The following NME6 variants were observed in gnomAD, a reference collection of about 807,000 sequenced individuals.
NME6 encodes NME/NM23 nucleoside diphosphate kinase 6.
In NME6, 16 loss-of-function variants were observed where a neutral mutation model predicts 22.2. The observed-to-expected ratio is 0.72, with a 90% confidence interval of 0.49 to 1.09. The LOEUF (loss-of-function observed/expected upper bound fraction) is 1.09. NME6 is among the 50% of genes least tolerant of loss of function. NME6 has a pLI of 0.00. For synonymous variants in NME6, 58 were observed against 85.2 expected, an observed-to-expected ratio of 0.68 and a Z score of 1.76; for missense variants, 229 against 239.0, an observed-to-expected ratio of 0.96 and a Z score of 0.28.
Position 48,301,210 on chromosome 3 carries a change from C to G in NME6, c.-8+143G>C, listed in dbSNP as rs184446646. 7.5e-3 allele frequency: 11,062 copies of G among 1,472,146 alleles called. 59 individuals are homozygous for G. The highest frequency in any genetic ancestry group is 9.2e-3 in the Non-Finnish European group (10,050 of 1,092,506). The allele number at this position is 1,472,146 out of a possible 1,614,324, so 91.2% of individuals were successfully genotyped here. A position where few individuals can be genotyped will look rare whatever the true frequency, so the allele number is the denominator to read the frequency against. ...CACGCCCTCCAGCCCCCCGGGCTCA[C>G]GGCCTCAACTCTCGACCCAGCCCCC... On this transcript the variant is annotated intron_variant, in intron 1 of 5. Coordinates refer to ENST00000442597, the MANE Select transcript of NME6 (RefSeq NM_001308426.2).
downstream of NME6, among the ~76,000 whole-genome samples, chr3:48,289,290 C>G (rs929034947): frequency 6.6e-6 from 1 of 152,060 alleles, no homozygotes; most frequent in African/African-American, 2.4e-5. Context: ...TCTCGAACTC[C>G]CGACCTCAGG....
intron 4 of NME6, chr3:48,295,503 T>C: frequency 2.3e-6 from 1 of 433,990 alleles, no homozygotes; most frequent in Non-Finnish European, 4.1e-6. Context: ...ATCGGCTCAG[T>C]GACAGCCCCA....
intron 3 of NME6, 29 bp from the exon 4 acceptor site, chr3:48,296,187 T>C (rs1211633708): frequency 1.9e-6 from 3 of 1,614,140 alleles, no homozygotes; most frequent in Non-Finnish European, 2.5e-6. Context: ...TTCATCAAGA[T>C]ACCTTCATCC....
In NME6 at chr3:48,292,411, CTG is replaced by C. The variant is rs1038769926; in HGVS notation, c.*2224_*2225del. On this transcript the variant is annotated 3_prime_UTR_variant, in exon 6 of 6. Transcript: ENST00000442597. ...GAGACAATTTTATTGGGAGATAATT[CTG>C]TGTCTCTTGTGGGTGTCTTAATTGT... is the stretch of plus-strand genomic sequence containing the variant. The C allele has an allele frequency of 2.0e-5, 3 of 152,146 alleles. No homozygotes were observed. The highest frequency in any genetic ancestry group is 4.4e-5 in the Non-Finnish European group (3 of 68,034). 9.4% of individuals were successfully genotyped at this position (152,146 alleles called of 1,614,324 possible).
In NME6 at chr3:48,294,722, G is replaced by A. The variant is rs1349537643; in HGVS notation, c.476C>T (p.Pro159Leu). Residue 159 changes from proline (P) to leucine (L), a missense_variant, in exon 6 of 6, where the codon CCC becomes CTC. Pro to Leu is a moderately conservative substitution (Grantham distance 98, BLOSUM62 -3). Coordinates refer to ENST00000442597, the MANE Select transcript of NME6 (RefSeq NM_001308426.2). ...SEQRWYEEEE[P>L]QLRCGPVCYS... ...GCACACAGGGCCACAGCGCAACTGG[G>A]GCTCTTCCTCCTCATACCAGCGCTG... 6.2e-7 allele frequency: 1 copy of A among 1,614,008 alleles called. No individual in the cohort carries two copies. The highest frequency in any genetic ancestry group is 2.2e-5 in the East Asian group (1 of 44,886).
chr3:48,289,430 A>G (rs1184757820), downstream of NME6, among the ~76,000 whole-genome samples: 1 of 152,108 alleles, frequency 6.6e-6, no homozygotes, highest in Admixed American at 6.5e-5. Flanking sequence ...GTGGATGGTG[A>G]GAGTGGAAGA....
rs570046567 is a variant in NME6, at chr3:48,298,262, T to A, written c.90+165A>T. On this transcript the variant is annotated intron_variant, in intron 2 of 5. Transcript: ENST00000442597. ...TTACATTTTAGGTCTGCCTCAAGTC[T>A]CCAATGGATTCTTAGTCTCCTTAGG... 374 of 665,592 alleles carry A rather than the reference T, an allele frequency of 5.6e-4. 4 individuals carry two copies. In the South Asian group the frequency reaches 6.1e-3, roughly 11 times the overall value. 41.2% of individuals were successfully genotyped at this position (665,592 alleles called of 1,614,324 possible).
chr3:48,299,192 T>C (rs1466954338), intron 1 of NME6: 1 of 500,916 alleles, frequency 2.0e-6, no homozygotes. Flanking sequence ...TCTGAAACAG[T>C]GCCTGACACA....
chr3:48,294,979 G>A, intron 5 of NME6, 96 bp downstream of exon 5: 1 of 1,481,962 alleles, frequency 6.7e-7, no homozygotes, highest in Non-Finnish European at 9.2e-7. Flanking sequence ...AAACACAAAT[G>A]GAAGAAAGCT....
chr3:48,296,860 C>A, intron 2 of NME6, 31 bp from the exon 3 acceptor site: 2 of 1,540,196 alleles, frequency 1.3e-6, no homozygotes, highest in African/African-American at 1.4e-5. Flanking sequence ...AAATAAAAAT[C>A]AATCAGGAGA....
Position 48,299,039 on chromosome 3 carries a change from C to T in NME6, c.-7-516G>A, listed in dbSNP as rs2035429161. The T allele has an allele frequency of 7.1e-6, 5 of 701,792 alleles. No individual in the cohort carries two copies. In the Admixed American group the frequency reaches 1.0e-4, roughly 14 times the overall value. The allele number at this position is 701,792 out of a possible 1,614,324, so 43.5% of individuals were successfully genotyped here. On this transcript the variant is annotated intron_variant, in intron 1 of 5. Coordinates refer to ENST00000442597, the MANE Select transcript of NME6 (RefSeq NM_001308426.2). ...GATACCAAAAAGTCTGCTGGATAAA[C>T]ACCATCTCTATTCTAATATTATGGA...
chr3:48,296,412 GGTT>G (rs1383324583), intron 3 of NME6, among the ~76,000 whole-genome samples: 1 of 152,050 alleles, frequency 6.6e-6, no homozygotes, highest in Non-Finnish European at 1.5e-5. Context: ...TACTTTTTAG[GGTT>G]GTTGGGAAAA....
intron 5 of NME6, 96 bp from the exon 6 acceptor site, chr3:48,294,899 G>GC: frequency 6.9e-7 from 1 of 1,441,988 alleles, no homozygotes; most frequent in Non-Finnish European, 9.5e-7. Flanking sequence ...TACTCTGCCT[G>GC]CCCCTTCAGT....
intron 2 of NME6, chr3:48,297,771 T>A (rs2035268765): frequency 6.5e-6 from 1 of 152,818 alleles, no homozygotes; most frequent in Non-Finnish European, 1.5e-5. Context: ...ATGCCAGGCA[T>A]TTTCTCTGGC....
At position 48,294,776 on chromosome 3, in the gene NME6, ATC is replaced by A. The variant is rs1559998160; in HGVS notation, c.420_421del (p.Glu140AspfsTer7). 4 of 1,614,116 alleles carry A rather than the reference ATC, an allele frequency of 2.5e-6. No homozygotes were observed. The highest frequency in any genetic ancestry group is 3.4e-6 in the Non-Finnish European group (4 of 1,179,996). On this transcript the variant is annotated frameshift_variant, in exon 6 of 6. Transcript: ENST00000442597. LOFTEE classifies it high-confidence loss of function. ...ACTGAAGTCAGGGAAGAAGGCTGCA[ATC>A]TCTCTGCTGGCTGAAACCACAGAGT... is the stretch of plus-strand genomic sequence containing the variant.
At position 48,296,175 on chromosome 3, in the gene NME6, C is replaced by A; in HGVS notation, c.194-17G>T. ...AAAAACGCCCTGCAAAGAGAGAGGA[C>A]CTTCATCAAGATACCTTCATCCTGG... On this transcript the variant is annotated splice_polypyrimidine_tract_variant and intron_variant, in intron 3 of 5. Coordinates refer to ENST00000442597, the MANE Select transcript of NME6 (RefSeq NM_001308426.2). The A allele has an allele frequency of 1.9e-6, 3 of 1,614,168 alleles. No homozygotes were observed. The highest frequency in any genetic ancestry group is 2.5e-6 in the Non-Finnish European group (3 of 1,180,022).
downstream of NME6, chr3:48,291,182 G>A (rs759954120): frequency 1.8e-5 from 6 of 330,894 alleles, no homozygotes; most frequent in Non-Finnish European, 3.6e-5. Context: ...AACAGGACGT[G>A]GTAAGGTGGA....
rs1228821271 is a variant in NME6 at position 48,296,722 on chromosome 3, C to A, written c.193+5G>T. ...ACCTTCCATTCAGAGGACTACTGAT[C>A]CTACCTTCATGCTCTCGGTAAAACC... is the stretch of plus-strand genomic sequence containing the variant. On this transcript the variant is annotated splice_donor_5th_base_variant and intron_variant, in intron 3 of 5. Coordinates refer to ENST00000442597, the MANE Select transcript of NME6 (RefSeq NM_001308426.2). 1 of 1,605,250 alleles carries A rather than the reference C, an allele frequency of 6.2e-7. No homozygotes were observed. The highest frequency in any genetic ancestry group is 8.5e-7 in the Non-Finnish European group (1 of 1,173,430).
In NME6 at chr3:48,293,108, T is replaced by C. The variant is rs1332325776; in HGVS notation, c.*1529A>G. 6.6e-6 allele frequency: 1 copy of C among 152,248 alleles called. No individual in the cohort carries two copies. The highest frequency in any genetic ancestry group is 1.5e-5 in the Non-Finnish European group (1 of 68,058). 9.4% of individuals were successfully genotyped at this position (152,248 alleles called of 1,614,324 possible). A position where few individuals can be genotyped will look rare whatever the true frequency, so the allele number is the denominator to read the frequency against. On this transcript the variant is annotated 3_prime_UTR_variant, in exon 6 of 6. Coordinates refer to ENST00000442597, the MANE Select transcript of NME6 (RefSeq NM_001308426.2). ...GCTGGCTCCCTAACACAAGAAGTTGTTGAAAGTTCTACTCAGCTTCTTAGC... is the reference window on the plus strand; with the variant it reads ...GCTGGCTCCCTAACACAAGAAGTTGCTGAAAGTTCTACTCAGCTTCTTAGC...
Sources: gnomAD v4.1 joint callset for allele counts (sites outside exome capture counted in the v4.1 genomes callset) on GRCh38, gnomAD v4.1.1 for gene constraint, MANE v1.5 for transcripts, NCBI Gene and HGNC (gene_info 2026-07-23, HGNC 2026-07-21) for gene names.